FGF13: variants seen among roughly 807,000 people sequenced by gnomAD.
FGF13 encodes fibroblast growth factor homologous factor 2.
FGF13 carries 2 observed loss-of-function variants against 19.5 expected under a neutral mutation model. The observed-to-expected ratio is 0.10, with a 90% confidence interval of 0.04 to 0.32. The LOEUF (loss-of-function observed/expected upper bound fraction) is 0.32, where lower values mean the gene tolerates loss of function less well. Ranked by LOEUF, FGF13 falls within the 10% of genes least tolerant of loss-of-function variation. The probability of loss-of-function intolerance (pLI) is 1.00; values close to 1 mark genes in which losing one functional copy is unlikely to be tolerated. For missense variants in FGF13, 113 were observed against 192.7 expected (o/e 0.59, Z 2.45); for synonymous variants, 72 against 76.9 (o/e 0.94, Z 0.33).
chrX:138,808,298 C>A (rs200101015), intron 3 of FGF13, among the ~76,000 whole-genome samples: 1 of 111,815 alleles, frequency 8.9e-6, no homozygotes, highest in Non-Finnish European at 1.9e-5. Flanking sequence ...CACTCAAAAC[C>A]GCTCAACTGC....
intron 1 of FGF13, among the ~76,000 whole-genome samples, chrX:139,093,020 A>C (rs901020212): frequency 9.2e-6 from 1 of 108,781 alleles, no homozygotes; most frequent in Admixed American, 1.0e-4. Flanking sequence ...TGGAACCACC[A>C]CAAGCAAGCA....
intron 1 of FGF13, among the ~76,000 whole-genome samples, chrX:138,960,253 A>G (rs1436077513): frequency 9.0e-6 from 1 of 111,425 alleles, no homozygotes; most frequent in African/African-American, 3.3e-5. Flanking sequence ...CTTGTCTGTA[A>G]AGGATTTTAT....
intron 1 of FGF13, among the ~76,000 whole-genome samples, chrX:138,866,305 A>G (rs775289689): frequency 4.4e-4 from 49 of 112,639 alleles, no homozygotes; most frequent in African/African-American, 1.6e-3. Flanking sequence ...GGCAAACCAA[A>G]GTGTCTATCT....
chrX:138,998,990 A>C (rs911134360), intron 1 of FGF13, among the ~76,000 whole-genome samples: 1 of 112,370 alleles, frequency 8.9e-6, no homozygotes, highest in Non-Finnish European at 1.9e-5. Flanking sequence ...ACTGTTTCTC[A>C]GACCACAGTG....
chrX:139,013,817 A>G (rs1270123838), intron 1 of FGF13, among the ~76,000 whole-genome samples: 2 of 109,031 alleles, frequency 1.8e-5, no homozygotes, highest in Non-Finnish European at 3.8e-5. Flanking sequence ...AATCTCAGAA[A>G]TCACAACTAA....
chrX:139,160,491 A>G (rs766001530), intron 1 of FGF13, among the ~76,000 whole-genome samples: 12 of 111,789 alleles, frequency 1.1e-4, no homozygotes, highest in Non-Finnish European at 2.1e-4. Context: ...AACTAAGATC[A>G]GAGCAGAACT....
intron 1 of FGF13, among the ~76,000 whole-genome samples, chrX:139,066,482 C>A (rs2092356914): frequency 8.9e-6 from 1 of 111,898 alleles, no homozygotes; most frequent in Non-Finnish European, 1.9e-5. Context: ...GGTATCACCA[C>A]TGATCCCACA....
intron 1 of FGF13, among the ~76,000 whole-genome samples, chrX:138,893,033 A>C: frequency 9.0e-6 from 1 of 111,118 alleles, no homozygotes; most frequent in Middle Eastern, 4.2e-3. Context: ...GCTACAAAGC[A>C]GACTACAAAA....
intron 1 of FGF13, among the ~76,000 whole-genome samples, chrX:139,002,919 T>C (rs905128070): frequency 8.9e-6 from 1 of 111,984 alleles, no homozygotes; most frequent in Non-Finnish European, 1.9e-5. Context: ...ACTCTAAGAC[T>C]TATTGACTTC....
At chrX:139,102,295 G>C (rs749147211) in intron 1 of FGF13, among the ~76,000 whole-genome samples, 1 of 111,206 alleles carries the variant, frequency 9.0e-6, no homozygotes, top group African/African-American at 3.3e-5. Context: ...AAACTTGTAC[G>C]AACCTTAATT....
At chrX:139,037,963 T>C (rs1439397911) in intron 1 of FGF13, among the ~76,000 whole-genome samples, 1 of 111,598 alleles carries the variant, frequency 9.0e-6, no homozygotes, top group Non-Finnish European at 1.9e-5. Context: ...GACTGATCTC[T>C]ACAGGCTACA....
intron 1 of FGF13, among the ~76,000 whole-genome samples, chrX:139,060,059 A>G (rs1282365999): frequency 9.0e-6 from 1 of 111,731 alleles, no homozygotes; most frequent in African/African-American, 3.3e-5. Flanking sequence ...TTTTTAATAT[A>G]TACTAATTTG....
At chrX:138,867,119 CTATTCCCTATG>C (rs1158475806) in intron 1 of FGF13, among the ~76,000 whole-genome samples, 3 of 111,263 alleles carry the variant, frequency 2.7e-5, no homozygotes, top group Non-Finnish European at 3.8e-5. Flanking sequence ...CCCATGATAG[CTATTCCCTATG>C]TATTAAGTAC....
rs753696215 is a variant in FGF13, at chrX:138,629,876, G to C, written c.*2974C>G. 1.4e-4 allele frequency: 16 copies of C among 111,531 alleles called. No homozygotes were observed. The highest frequency in any genetic ancestry group is 5.2e-4 in the African/African-American group (16 of 30,695). 9.2% of individuals were successfully genotyped at this position (111,531 alleles called of 1,213,427 possible). ...CAAGCCTTCCAGGTGATTCTGATGT[G>C]AGCTAATATCTGAGACCCAATAGTA... is the stretch of plus-strand genomic sequence containing the variant. On this transcript the variant is annotated 3_prime_UTR_variant, in exon 5 of 5. Transcript: ENST00000315930.
At chrX:138,895,575 A>G (rs771728514) in intron 1 of FGF13, among the ~76,000 whole-genome samples, 1 of 112,267 alleles carries the variant, frequency 8.9e-6, no homozygotes, top group South Asian at 3.7e-4. Flanking sequence ...ACATTGGTAC[A>G]GCCATAATGA....
At chrX:139,029,616 C>T (rs1477780038) in intron 1 of FGF13, among the ~76,000 whole-genome samples, 1 of 111,523 alleles carries the variant, frequency 9.0e-6, no homozygotes, top group African/African-American at 3.3e-5. Context: ...TGTTAATCTG[C>T]CTGGTGTCAA....
chrX:138,667,815 A>G (rs1465745595), intron 3 of FGF13: 2 of 322,992 alleles, frequency 6.2e-6, no homozygotes, highest in Non-Finnish European at 1.3e-5. Flanking sequence ...TCCACTCCAT[A>G]TTTTCTGTCT....
chrX:138,667,625 A>C, intron 3 of FGF13: 5 of 337,243 alleles, frequency 1.5e-5, no homozygotes, highest in Non-Finnish European at 2.9e-5. Flanking sequence ...ATTTTCATGA[A>C]GCATTGGGGT....
chrX:138,668,346 T>A (rs775472909), intron 3 of FGF13, among the ~76,000 whole-genome samples: 10 of 111,276 alleles, frequency 9.0e-5, no homozygotes, highest in Non-Finnish European at 1.9e-4. Flanking sequence ...CCCTCCCTCT[T>A]AACCACTACA....
Sources: gnomAD v4.1 joint callset for allele counts (sites outside exome capture counted in the v4.1 genomes callset) on GRCh38, gnomAD v4.1.1 for gene constraint, MANE v1.5 for transcripts, NCBI Gene and HGNC (gene_info 2026-07-23, HGNC 2026-07-21) for gene names.